The following DENND5B variants were observed in gnomAD, a reference collection of about 807,000 sequenced individuals.
DENND5B encodes the protein DENN domain containing 5B, also known as DENN domain-containing protein 5B.
DENND5B carries 34 observed loss-of-function variants against 140.6 expected under a neutral mutation model. The ratio of observed to expected loss-of-function variants is 0.24; its 90% confidence interval spans 0.18 to 0.32. DENND5B has a LOEUF of 0.32. DENND5B is among the 10% of genes least tolerant of loss of function. The pLI is 1.00. For missense variants in DENND5B, 1,142 were observed against 1,560.2 expected, an observed-to-expected ratio of 0.73 and a Z score of 4.52; for synonymous variants, 551 against 562.1, an observed-to-expected ratio of 0.98 and a Z score of 0.28.
chr12:31,454,690 G>A (rs1245815335), intron 4 of DENND5B, among the ~76,000 whole-genome samples: 4 of 151,988 alleles, frequency 2.6e-5, no homozygotes, highest in Non-Finnish European at 4.4e-5. Flanking sequence ...TAATCCACCT[G>A]CCTCAGCCTC....
intron 2 of DENND5B, among the ~76,000 whole-genome samples, chr12:31,488,096 C>T (rs1327372885): frequency 1.3e-5 from 2 of 151,702 alleles, no homozygotes; most frequent in African/African-American, 4.8e-5. Context: ...GCTGGGATTA[C>T]AAGTGTGTGC....
rs371562883 is a variant in DENND5B, at chr12:31,537,562, A to G, written c.128-41643T>C. ...AGACAGGGAGGAAGGATGGAAGACA[A>G]GACCCATAAAACAACCAGAAAATAA... On this transcript the variant is annotated intron_variant, in intron 1 of 20. Transcript: ENST00000389082. 2.8e-4 allele frequency among the ~76,000 whole-genome samples: 43 copies of G among 152,312 alleles called. No individual in the cohort carries two copies. In the East Asian group the frequency reaches 6.2e-3, roughly 22 times the overall value.
At chr12:31,473,486 G>A (rs2138446765) in intron 3 of DENND5B, among the ~76,000 whole-genome samples, 1 of 152,324 alleles carries the variant, frequency 6.6e-6, no homozygotes, top group Middle Eastern at 3.4e-3. Context: ...AAATGGGAAT[G>A]AATTAGATTG....
intron 1 of DENND5B, among the ~76,000 whole-genome samples, chr12:31,546,871 A>G (rs1161131667): frequency 6.6e-6 from 1 of 152,186 alleles, no homozygotes; most frequent in Non-Finnish European, 1.5e-5. Flanking sequence ...ACCGCAACCA[A>G]AATTTATTTT....
rs1945416101 is a variant in DENND5B at position 31,469,048 on chromosome 12, A to G, written c.905-8667T>C. 2.0e-5 allele frequency among the ~76,000 whole-genome samples: 3 copies of G among 152,156 alleles called. No individual in the cohort carries two copies. The South Asian group carries it at 6.2e-4, about 32-fold the overall frequency. On this transcript the variant is annotated intron_variant, in intron 3 of 20. Coordinates refer to ENST00000389082, the MANE Select transcript of DENND5B (RefSeq NM_144973.4). ...ACAAAAATTTATTCAAGAAAAAAAT[A>G]GAGGTGGCCAGGTGCATTGCCTCAG...
At chr12:31,529,267 G>A (rs527385209) in intron 1 of DENND5B, among the ~76,000 whole-genome samples, 3 of 152,094 alleles carry the variant, frequency 2.0e-5, no homozygotes, top group East Asian at 3.9e-4. Context: ...TGCCTGACAG[G>A]GCAGAAAAAA....
chr12:31,423,906 C>T (rs1006491413), intron 10 of DENND5B, among the ~76,000 whole-genome samples: 2 of 152,116 alleles, frequency 1.3e-5, no homozygotes, highest in South Asian at 4.1e-4. Flanking sequence ...AAGCAAAGGG[C>T]CAGCATGGCA....
At chr12:31,399,614 TAAAAC>T (rs761158925) in intron 16 of DENND5B, 35 bp downstream of exon 16, 6 of 1,537,070 alleles carry the variant, frequency 3.9e-6, no homozygotes, top group African/African-American at 1.4e-5. Context: ...TGAAGAGTCT[TAAAAC>T]AAAGAATTCT....
At chr12:31,547,587 G>C (rs1244771288) in intron 1 of DENND5B, among the ~76,000 whole-genome samples, 1 of 151,942 alleles carries the variant, frequency 6.6e-6, no homozygotes, top group East Asian at 1.9e-4. Context: ...TAGTAGAGAT[G>C]GGGTTTCATC....
In DENND5B at chr12:31,415,282, A is replaced by C. The variant is rs575668426; in HGVS notation, c.2552+85T>G. On this transcript the variant is annotated intron_variant, in intron 12 of 20. Transcript: ENST00000389082. ...ACATAAGCCAAAAATAAACACAGCC[A>C]TAATCATTTGAGCAATTTAGTTAAA... 7.7e-5 allele frequency: 81 copies of C among 1,052,026 alleles called. No individual in the cohort carries two copies. In the South Asian group the frequency reaches 1.2e-3, roughly 15 times the overall value. 65.2% of individuals were successfully genotyped at this position (1,052,026 alleles called of 1,614,324 possible).
chr12:31,426,326 G>A lies in DENND5B; in HGVS notation c.2205C>T (p.Phe735=), dbSNP rs780010750. ...PAVIAQTNCK[F]VEGLLKECRM... The stretch of plus-strand genomic sequence containing the variant: ...TACATTCTTTTAATAAGCCTTCTAC[G>A]AATTTACAGTTGGTCTGTGCAATAA... The change falls in exon 9 of 21, where the codon TTC becomes TTT. Residue 735 remains phenylalanine (F), a synonymous_variant. Coordinates refer to ENST00000389082, the MANE Select transcript of DENND5B (RefSeq NM_144973.4). 8.7e-6 allele frequency: 14 copies of A among 1,609,570 alleles called. No individual in the cohort carries two copies. Among genetic ancestry groups the A allele is most frequent in the Middle Eastern group, 1.6e-4 (1 of 6,080 alleles).
In DENND5B at chr12:31,452,043, C is replaced by T. The variant is rs536783187; in HGVS notation, c.1526G>A (p.Arg509His). Residue 509 changes from arginine (R) to histidine (H), a missense_variant, in exon 5 of 21, where the codon CGT becomes CAT. This residue lies in a region of DENND5B where 708 missense variants were observed against 905.5 expected (regional missense o/e 0.78). Transcript: ENST00000389082. ...NVQLREVFAN[R>H]FTQMFADYEA... Reference sequence around the variant, plus strand: ...GTAATCTGCAAACATCTGTGTAAAACGGTTAGCAAAGACCTCTCGGAGCTG... The same window carrying T: ...GTAATCTGCAAACATCTGTGTAAAATGGTTAGCAAAGACCTCTCGGAGCTG... The T allele has an allele frequency of 6.2e-6, 10 of 1,613,878 alleles. No individual in the cohort carries two copies. Among genetic ancestry groups the T allele is most frequent in the South Asian group, 3.3e-5 (3 of 91,050 alleles).
intron 1 of DENND5B, among the ~76,000 whole-genome samples, chr12:31,515,256 G>A (rs1947585994): frequency 6.6e-6 from 1 of 152,202 alleles, no homozygotes; most frequent in African/African-American, 2.4e-5. Context: ...AGGGAGCTAT[G>A]ATTGTGCCAC....
chr12:31,576,730 TG>T (rs1324698417), intron 1 of DENND5B, among the ~76,000 whole-genome samples: 8 of 150,654 alleles, frequency 5.3e-5, no homozygotes, highest in Admixed American at 4.0e-4. Context: ...AAAAAAAAAA[TG>T]TTTTTTTTAA....
At chr12:31,567,459 A>G (rs2139371568) in intron 1 of DENND5B, among the ~76,000 whole-genome samples, 1 of 149,072 alleles carries the variant, frequency 6.7e-6, no homozygotes, top group South Asian at 2.1e-4. Context: ...CAGCCTCCTC[A>G]GAGGTTGCAG....
At chr12:31,465,794 A>G (rs1945237988) in intron 3 of DENND5B, 1 of 152,284 alleles carries the variant, frequency 6.6e-6, no homozygotes, top group Non-Finnish European at 1.5e-5. Flanking sequence ...GGCACTAGAA[A>G]ATGAAAGGCA....
Position 31,514,327 on chromosome 12 carries a change from G to C in DENND5B, c.128-18408C>G, listed in dbSNP as rs144027378. 1.1e-3 allele frequency among the ~76,000 whole-genome samples: 170 copies of C among 152,264 alleles called. 1 individual carries two copies. The highest frequency in any genetic ancestry group is 6.8e-3 in the Middle Eastern group (2 of 294). On this transcript the variant is annotated intron_variant, in intron 1 of 20. Coordinates refer to ENST00000389082, the MANE Select transcript of DENND5B (RefSeq NM_144973.4). ...TATATAAGCACACTCTATGATGTTT[G>C]CACAATAACAAAACCTCTTAATAGT...
rs148531858 is a variant in DENND5B at position 31,429,785 on chromosome 12, T to C, written c.2107-3361A>G. On this transcript the variant is annotated intron_variant, in intron 8 of 20. Transcript: ENST00000389082. The stretch of plus-strand genomic sequence containing the variant: ...GCAGTGGTGCAATCTTGGCTCACTG[T>C]AACCTCCACCTCCTGGGTTCAACTG... Among the ~76,000 whole-genome samples, 406 of 150,082 alleles carry C rather than the reference T, an allele frequency of 2.7e-3. 2 individuals carry two copies. Among genetic ancestry groups the C allele is most frequent in the African/African-American group, 9.6e-3 (390 of 40,754 alleles).
intron 3 of DENND5B, among the ~76,000 whole-genome samples, chr12:31,461,514 T>C (rs1211782765): frequency 6.6e-6 from 1 of 152,208 alleles, no homozygotes; most frequent in Non-Finnish European, 1.5e-5. Flanking sequence ...TGTTTGGAAG[T>C]AGATATGCTT....
Sources: allele counts gnomAD v4.1 joint callset (sites outside exome capture counted in the v4.1 genomes callset), GRCh38; gene constraint gnomAD v4.1.1; regional missense constraint gnomAD v4.1.1; transcripts MANE v1.5; gene names NCBI Gene and HGNC (gene_info 2026-07-23, HGNC 2026-07-21).